Variants in GLB1 observed in about 807,000 individuals in gnomAD.
The protein encoded by GLB1 is beta-galactosidase.
A neutral mutation model predicts 74.0 loss-of-function variants in GLB1; 56 were observed. The observed-to-expected ratio is 0.76, with a 90% CI of 0.61 to 0.94. The LOEUF is 0.94. Among genes scored for constraint, GLB1 ranks in the 40% least tolerant of loss-of-function variants. GLB1 has a pLI of 0.00. For synonymous variants in GLB1, 323 were observed against 323.6 expected (o/e 1.00, Z 0.02); for missense variants, 787 against 845.5 (o/e 0.93, Z 0.86).
intron 1 of GLB1, chr3:33,092,870 G>A (rs770812335): frequency 2.5e-6 from 4 of 1,611,920 alleles, no homozygotes; most frequent in Non-Finnish European, 1.7e-6. Flanking sequence ...CTGTGATCTC[G>A]GCCCTGCTAC....
intron 10 of GLB1, among the ~76,000 whole-genome samples, chr3:33,043,545 A>C (rs1698589343): frequency 6.6e-6 from 1 of 152,204 alleles, no homozygotes; most frequent in Admixed American, 6.5e-5. Flanking sequence ...AAAGCAATAA[A>C]GGGAAAGAAA....
chr3:33,017,264 AG>A (rs1338497390), intron 13 of GLB1, among the ~76,000 whole-genome samples: 1 of 152,262 alleles, frequency 6.6e-6, no homozygotes, highest in Non-Finnish European at 1.5e-5. Context: ...CAGAGAAGTT[AG>A]GTGGAGTATT....
intron 4 of GLB1, 39 bp from the exon 5 acceptor site, chr3:33,065,596 C>T: frequency 6.4e-7 from 1 of 1,551,500 alleles, no homozygotes; most frequent in Non-Finnish European, 8.7e-7. Flanking sequence ...CTTGTCCAAC[C>T]CCAGCCTGTA....
intron 1 of GLB1, among the ~76,000 whole-genome samples, chr3:33,075,994 G>A (rs1700088114): frequency 1.3e-5 from 2 of 150,412 alleles, no homozygotes; most frequent in Admixed American, 6.6e-5. Context: ...GCAGTGAGCC[G>A]AGATTGTGCC....
chr3:32,997,247 G>A lies in GLB1; in HGVS notation c.1832C>T (p.Ser611Leu). Residue 611 changes from serine (S) to leucine (L), a missense_variant, in exon 16 of 16, where the codon TCG becomes TTG. Transcript: ENST00000307363. ...LFVPQHILMTSAPNTITVLEL... is the reference protein window; with the variant it reads ...LFVPQHILMTLAPNTITVLEL... ...CAGCACGGTGATGGTGTTTGGGGCCGAGGTCATCAGGATGTGCTGGGGCAC... is the reference window on the plus strand; with the variant it reads ...CAGCACGGTGATGGTGTTTGGGGCCAAGGTCATCAGGATGTGCTGGGGCAC... 5.6e-6 allele frequency: 9 copies of A among 1,614,196 alleles called. No homozygotes were observed. Among genetic ancestry groups the A allele is most frequent in the South Asian group, 3.3e-5 (3 of 91,084 alleles).
chr3:33,034,805 C>T, intron 10 of GLB1: 1 of 614,016 alleles, frequency 1.6e-6, no homozygotes. Context: ...GCATAACAAG[C>T]AGTGACAAGA....
At chr3:33,042,613 C>G (rs1315266527) in intron 10 of GLB1, among the ~76,000 whole-genome samples, 2 of 152,030 alleles carry the variant, frequency 1.3e-5, no homozygotes, top group East Asian at 3.9e-4. Flanking sequence ...GTGATCCGCC[C>G]GCCTCGGCCT....
intron 12 of GLB1, among the ~76,000 whole-genome samples, chr3:33,019,476 GAA>G (rs1416817422): frequency 2.6e-5 from 4 of 152,140 alleles, no homozygotes; most frequent in Non-Finnish European, 4.4e-5. Context: ...ATGGAACAGA[GAA>G]AAGTTTCCCT....
the GLB1 span, among the ~76,000 whole-genome samples, chr3:32,981,414 AAAG>A: frequency 1.4e-5 from 2 of 146,218 alleles, no homozygotes; most frequent in Non-Finnish European, 3.0e-5. Context: ...AAAAAAAAAA[AAAG>A]AAAAAGAAAA....
chr3:32,972,267 T>C, the GLB1 span, among the ~76,000 whole-genome samples: 2 of 152,140 alleles, frequency 1.3e-5, no homozygotes, highest in African/African-American at 2.4e-5. Flanking sequence ...AAATGAGGAA[T>C]GTTATATATC....
intron 9 of GLB1, among the ~76,000 whole-genome samples, chr3:33,050,310 A>T (rs371492917): frequency 4.6e-5 from 7 of 152,152 alleles, no homozygotes; most frequent in African/African-American, 1.4e-4. Context: ...CACCCAAAGG[A>T]ACTGAAACAG....
intron 11 of GLB1, among the ~76,000 whole-genome samples, chr3:33,022,583 T>TTTTTTTTTTTA (rs1697544254): frequency 6.9e-6 from 1 of 144,984 alleles, no homozygotes; most frequent in African/African-American, 2.5e-5. Context: ...TTTTTTTTTT[T>TTTTTTTTTTTA]GAGAGAGTCT....
chr3:32,976,373 G>T, the GLB1 span, among the ~76,000 whole-genome samples: 572 of 152,300 alleles, frequency 3.8e-3, 2 homozygotes, highest in Middle Eastern at 0.017. Flanking sequence ...CCCCTCCATG[G>T]CTGGTTCATG....
In GLB1 at chr3:33,068,291, C is replaced by T. The variant is rs398123353; in HGVS notation, c.397-1G>A. 2.5e-6 allele frequency: 4 copies of T among 1,614,006 alleles called. No individual in the cohort carries two copies. The Admixed American group carries it at 5.0e-5, about 20-fold the overall frequency. On this transcript the variant is annotated splice_acceptor_variant, in intron 3 of 15. Coordinates refer to ENST00000307363, the MANE Select transcript of GLB1 (RefSeq NM_000404.4). LOFTEE classifies it high-confidence loss of function. ...CTAGCAGCCAAGCAGGTAATCCTCCCTAGTTCAGGGAAAACAAGCCATTAT... is the reference window on the plus strand; with the variant it reads ...CTAGCAGCCAAGCAGGTAATCCTCCTTAGTTCAGGGAAAACAAGCCATTAT...
At position 33,063,996 on chromosome 3, in the gene GLB1, C is replaced by A. The variant is rs76585934; in HGVS notation, c.552+1467G>T. Among the ~76,000 whole-genome samples, 1,428 of 152,194 alleles carry A rather than the reference C, an allele frequency of 9.4e-3. 34 individuals carry two copies. Among genetic ancestry groups the A allele is most frequent in the African/African-American group, 0.033 (1,354 of 41,508 alleles). Reference sequence around the variant, plus strand: ...GGCAAAGCAGTGCCCATGCTCCCACCCTACTATGATCCATCCCCACAAGCT... The same window carrying A: ...GGCAAAGCAGTGCCCATGCTCCCACACTACTATGATCCATCCCCACAAGCT... On this transcript the variant is annotated intron_variant, in intron 5 of 15. Transcript: ENST00000307363.
the GLB1 span, among the ~76,000 whole-genome samples, chr3:32,962,511 G>A: frequency 6.6e-6 from 1 of 152,082 alleles, no homozygotes; most frequent in African/African-American, 2.4e-5. Context: ...ATTGGAAAGG[G>A]GAAGGGAAAA....
At chr3:33,036,168 T>C (rs146882149) in intron 10 of GLB1, among the ~76,000 whole-genome samples, 1 of 152,314 alleles carries the variant, frequency 6.6e-6, no homozygotes, top group East Asian at 1.9e-4. Flanking sequence ...ACAGTCAGAA[T>C]GGTCCCAGCA....
the GLB1 span, among the ~76,000 whole-genome samples, chr3:32,988,453 T>C: frequency 6.6e-6 from 1 of 152,228 alleles, no homozygotes; most frequent in Admixed American, 6.5e-5. Flanking sequence ...ACTATTCAGA[T>C]AACATGGGCA....
chr3:33,053,351 C>T, intron 7 of GLB1, 140 bp downstream of exon 7: 1 of 1,195,692 alleles, frequency 8.4e-7, no homozygotes, highest in Non-Finnish European at 1.2e-6. Flanking sequence ...ATTCACATGT[C>T]CAGAATGGCT....
Sources: allele counts gnomAD v4.1 joint callset (sites outside exome capture counted in the v4.1 genomes callset), GRCh38; gene constraint gnomAD v4.1.1; transcripts MANE v1.5; gene names NCBI Gene and HGNC (gene_info 2026-07-23, HGNC 2026-07-21).